CLEC2L: variants seen among roughly 807,000 people sequenced by gnomAD.
The protein encoded by CLEC2L is C-type lectin domain family 2 member L, also known as C-type lectin domain family 2, member L.
A neutral mutation model predicts 23.6 loss-of-function variants in CLEC2L; 14 were observed. That is an observed-to-expected ratio of 0.59 (90% CI 0.39 to 0.93). The LOEUF (loss-of-function observed/expected upper bound fraction) is 0.93. Among genes scored for constraint, CLEC2L ranks in the 40% least tolerant of loss-of-function variants. CLEC2L has a pLI of 0.00. For missense variants in CLEC2L, 264 were observed against 282.4 expected, an observed-to-expected ratio of 0.93 and a Z score of 0.47; for synonymous variants, 114 against 121.3, an observed-to-expected ratio of 0.94 and a Z score of 0.40.
intron 1 of CLEC2L, among the ~76,000 whole-genome samples, chr7:139,527,392 T>G (rs939241298): frequency 2.0e-5 from 3 of 152,204 alleles, no homozygotes; most frequent in Non-Finnish European, 4.4e-5. Context: ...GCACTGACGT[T>G]TCCCTCCTTA....
intron 1 of CLEC2L, among the ~76,000 whole-genome samples, chr7:139,524,929 T>A (rs1307755105): frequency 2.0e-5 from 3 of 152,004 alleles, no homozygotes; most frequent in African/African-American, 7.3e-5. Context: ...AGGGAGGCAG[T>A]GTCAGAAAAG....
At chr7:139,534,559 T>G in intron 1 of CLEC2L, 1 of 753,932 alleles carries the variant, frequency 1.3e-6, no homozygotes, top group Non-Finnish European at 2.4e-6. Flanking sequence ...TAAATAATTG[T>G]ATTGGAAGCA....
intron 3 of CLEC2L, among the ~76,000 whole-genome samples, chr7:139,541,119 G>C (rs999890000): frequency 8.6e-5 from 13 of 151,876 alleles, no homozygotes; most frequent in African/African-American, 3.1e-4. Context: ...AATGATTCTC[G>C]TACCTCATCC....
chr7:139,529,854 G>A (rs555635529), intron 1 of CLEC2L, among the ~76,000 whole-genome samples: 3 of 152,208 alleles, frequency 2.0e-5, no homozygotes, highest in South Asian at 2.1e-4. Context: ...ATCACCTGAG[G>A]TCAGGAGTTT....
chr7:139,527,908 G>T (rs1036100491), intron 1 of CLEC2L, among the ~76,000 whole-genome samples: 1 of 152,128 alleles, frequency 6.6e-6, no homozygotes, highest in African/African-American at 2.4e-5. Flanking sequence ...ATGCTTGCCA[G>T]GCTGTGTCCC....
chr7:139,543,956 G>C (rs1224331214), intron 4 of CLEC2L, among the ~76,000 whole-genome samples: 2 of 152,186 alleles, frequency 1.3e-5, no homozygotes, highest in Non-Finnish European at 2.9e-5. Context: ...GGACATGTGA[G>C]CCGACCCTGC....
At chr7:139,525,545 C>T (rs936868795) in intron 1 of CLEC2L, among the ~76,000 whole-genome samples, 1 of 152,090 alleles carries the variant, frequency 6.6e-6, no homozygotes, top group African/African-American at 2.4e-5. Flanking sequence ...GGTGGTCAGA[C>T]ACCCCCCCGT....
At position 139,542,566 on chromosome 7, in the gene CLEC2L, T is replaced by C. The variant is rs576194429; in HGVS notation, c.533+445T>C. 2.6e-5 allele frequency among the ~76,000 whole-genome samples: 4 copies of C among 152,338 alleles called. No individual in the cohort carries two copies. The East Asian group carries it at 5.8e-4, about 22-fold the overall frequency. On this transcript the variant is annotated intron_variant, in intron 4 of 4. Transcript: ENST00000422142. The stretch of plus-strand genomic sequence containing the variant: ...CGCAAGGGAGGATGGGAGATGCGCC[T>C]CTGTCCCGGGCAGCCTCGTGCCACC...
chr7:139,531,368 A>T (rs1182402545), intron 1 of CLEC2L, among the ~76,000 whole-genome samples: 1 of 152,242 alleles, frequency 6.6e-6, no homozygotes, highest in African/African-American at 2.4e-5. Context: ...AGCAGCAACA[A>T]AACCAAACAA....
At position 139,544,424 on chromosome 7, in the gene CLEC2L, C is replaced by A; in HGVS notation, c.*82C>A. ...TGCTCAAGACCTGCTTCCAGCGGAG[C>A]CGCCTGCCCTCTGCAAGGCGAAGCG... On this transcript the variant is annotated 3_prime_UTR_variant, in exon 5 of 5. Coordinates refer to ENST00000422142, the MANE Select transcript of CLEC2L (RefSeq NM_001080511.4). 9.7e-7 allele frequency: 1 copy of A among 1,026,320 alleles called. No individual in the cohort carries two copies. Among genetic ancestry groups the A allele is most frequent in the Non-Finnish European group, 1.5e-6 (1 of 681,906 alleles). The allele number at this position is 1,026,320 out of a possible 1,614,324, so 63.6% of individuals were successfully genotyped here.
chr7:139,534,970 A>AC (rs1797632235), intron 1 of CLEC2L, among the ~76,000 whole-genome samples: 1 of 151,830 alleles, frequency 6.6e-6, no homozygotes, highest in African/African-American at 2.4e-5. Flanking sequence ...GTAAAAAAAA[A>AC]AAAAACAAAA....
In CLEC2L at chr7:139,536,324, A is replaced by G. The variant is rs1797656324; in HGVS notation, c.241A>G (p.Ile81Val). ...LGAIAVLLFA[I>V]LVVMSILASK... ...TGCCATCGCGGTCCTTCTGTTCGCCATCTTGGTGGTGATGAGCATCTTGGG... is the reference window on the plus strand; with the variant it reads ...TGCCATCGCGGTCCTTCTGTTCGCCGTCTTGGTGGTGATGAGCATCTTGGG... The change falls in exon 2 of 5, where the codon ATC becomes GTC. Residue 81 changes from isoleucine (I) to valine (V), a missense_variant. By Grantham distance (29) the Ile-to-Val change is conservative (BLOSUM62 3). Coordinates refer to ENST00000422142, the MANE Select transcript of CLEC2L (RefSeq NM_001080511.4). 1 of 1,551,186 alleles carries G rather than the reference A, an allele frequency of 6.4e-7. No homozygotes were observed. Among genetic ancestry groups the G allele is most frequent in the African/African-American group, 1.4e-5 (1 of 73,020 alleles).
chr7:139,524,374 G>A (rs1038254894), intron 1 of CLEC2L, among the ~76,000 whole-genome samples: 4 of 152,250 alleles, frequency 2.6e-5, no homozygotes, highest in African/African-American at 9.6e-5. Context: ...TGACCTTGGA[G>A]CGGGCTTCAC....
intron 1 of CLEC2L, chr7:139,534,396 G>C: frequency 1.1e-6 from 1 of 932,938 alleles, no homozygotes; most frequent in Non-Finnish European, 1.8e-6. Flanking sequence ...TATCAAATAT[G>C]ACATCAGTCA....
chr7:139,542,436 G>A (rs533337092), intron 4 of CLEC2L, among the ~76,000 whole-genome samples: 2 of 152,324 alleles, frequency 1.3e-5, no homozygotes, highest in South Asian at 4.1e-4. Context: ...ACTCAGTGTG[G>A]CGCAACCACA....
At chr7:139,542,246 G>C (rs1212328778) in intron 4 of CLEC2L, 125 bp downstream of exon 4, 2 of 628,768 alleles carry the variant, frequency 3.2e-6, no homozygotes, top group Non-Finnish European at 5.5e-6. Flanking sequence ...TAGTCTCGGG[G>C]TCCAGCAGTG....
intron 1 of CLEC2L, among the ~76,000 whole-genome samples, chr7:139,527,920 G>A (rs1050548512): frequency 1.3e-5 from 2 of 152,164 alleles, no homozygotes; most frequent in African/African-American, 2.4e-5. Context: ...CTGTGTCCCC[G>A]ATGACTTAGA....
chr7:139,525,432 C>A (rs1797493465), intron 1 of CLEC2L, among the ~76,000 whole-genome samples: 1 of 152,100 alleles, frequency 6.6e-6, no homozygotes, highest in South Asian at 2.1e-4. Flanking sequence ...GAAGCTGGAC[C>A]ACCAGACAGT....
intron 1 of CLEC2L, among the ~76,000 whole-genome samples, chr7:139,526,265 C>A (rs1797504560): frequency 6.6e-6 from 1 of 152,086 alleles, no homozygotes; most frequent in Non-Finnish European, 1.5e-5. Flanking sequence ...TGTCCCAGAC[C>A]CAGAGCACGA....
Sources: gnomAD v4.1 joint callset for allele counts (sites outside exome capture counted in the v4.1 genomes callset) on GRCh38, gnomAD v4.1.1 for gene constraint, MANE v1.5 for transcripts, NCBI Gene and HGNC (gene_info 2026-07-23, HGNC 2026-07-21) for gene names.